The following UBALD1 variants were observed in gnomAD, a reference collection of about 807,000 sequenced individuals.
UBALD1 encodes UBA-like domain-containing protein 1.
Under a neutral mutation model 16.1 loss-of-function variants are expected in UBALD1, and 5 were observed. That is an observed-to-expected ratio of 0.31 (90% CI 0.16 to 0.66). The LOEUF (loss-of-function observed/expected upper bound fraction) is 0.66, where lower values mean the gene tolerates loss of function less well. Ranked by LOEUF, UBALD1 falls within the 30% of genes least tolerant of loss-of-function variation. The pLI, the probability that UBALD1 is intolerant of heterozygous loss-of-function variation, is 0.77. For synonymous variants in UBALD1, 146 were observed against 105.3 expected, an observed-to-expected ratio of 1.39 and a Z score of -2.37; for missense variants, 220 against 252.8, an observed-to-expected ratio of 0.87 and a Z score of 0.88.
At chr16:4,612,295 C>A (rs955474584) in intron 1 of UBALD1, among the ~76,000 whole-genome samples, 5 of 152,108 alleles carry the variant, frequency 3.3e-5, no homozygotes, top group African/African-American at 1.2e-4. Flanking sequence ...ATCTCTTGAC[C>A]TCATGATCCG....
intron 1 of UBALD1, chr16:4,614,083 C>T (rs1897391146): frequency 6.1e-6 from 1 of 162,740 alleles, no homozygotes; most frequent in African/African-American, 2.4e-5. Context: ...GCACACCCGC[C>T]ACATGTGTAC....
Position 4,609,365 on chromosome 16 carries a change from T to C in UBALD1, c.*268A>G. On this transcript the variant is annotated 3_prime_UTR_variant, in exon 3 of 3. Coordinates refer to ENST00000283474, the MANE Select transcript of UBALD1 (RefSeq NM_145253.3). ...GGCAGGTGCGTCTTCGAAGGAAGGC[T>C]GCGTGGTCTCTGAAGTTCTGTCCGC... 8.4e-6 allele frequency: 3 copies of C among 358,256 alleles called. No individual in the cohort carries two copies. The highest frequency in any genetic ancestry group is 1.5e-5 in the Non-Finnish European group (3 of 200,842). 22.2% of individuals were successfully genotyped at this position (358,256 alleles called of 1,614,324 possible).
intron 1 of UBALD1, chr16:4,614,325 G>A: frequency 2.7e-6 from 1 of 365,436 alleles, no homozygotes; most frequent in Non-Finnish European, 4.9e-6. Flanking sequence ...CCGAGGCCTG[G>A]GGCGTCCTCC....
rs1377607939 is a variant in UBALD1, at chr16:4,614,834, C to A, written c.-37G>T. The stretch of plus-strand genomic sequence containing the variant: ...GCTGCCCGCTCCGGCCTCCCTCCTC[C>A]GCCCGCGCCTCCGCCTCACGCGTCC... On this transcript the variant is annotated 5_prime_UTR_variant, in exon 1 of 3. Coordinates refer to ENST00000283474, the MANE Select transcript of UBALD1 (RefSeq NM_145253.3). 6.8e-7 allele frequency: 1 copy of A among 1,460,426 alleles called. No homozygotes were observed. The highest frequency in any genetic ancestry group is 1.4e-5 in the South Asian group (1 of 70,768). 90.5% of individuals were successfully genotyped at this position (1,460,426 alleles called of 1,614,324 possible).
Position 4,609,305 on chromosome 16 carries a change from A to C in UBALD1, c.*328T>G. The C allele has an allele frequency of 1.6e-5, 4 of 249,262 alleles. No individual in the cohort carries two copies. The highest frequency in any genetic ancestry group is 7.2e-5 in the East Asian group (1 of 13,796). 15.4% of individuals were successfully genotyped at this position (249,262 alleles called of 1,614,324 possible). A position where few individuals can be genotyped will look rare whatever the true frequency, so the allele number is the denominator to read the frequency against. ...GCCAGGGATCAGCAATGTCTCTGCC[A>C]GGGTGGTCCTCCACGGCACCCCTGG... On this transcript the variant is annotated 3_prime_UTR_variant, in exon 3 of 3. Transcript: ENST00000283474.
rs570879570 is a variant in UBALD1 at position 4,609,207 on chromosome 16, G to A, written c.*426C>T. 193 of 165,320 alleles carry A rather than the reference G, an allele frequency of 1.2e-3. No homozygotes were observed. The highest frequency in any genetic ancestry group is 2.0e-3 in the Non-Finnish European group (156 of 77,202). 10.2% of individuals were successfully genotyped at this position (165,320 alleles called of 1,614,324 possible). A position where few individuals can be genotyped will look rare whatever the true frequency, so the allele number is the denominator to read the frequency against. On this transcript the variant is annotated 3_prime_UTR_variant, in exon 3 of 3. Transcript: ENST00000283474. ...CGTAGAAATACACAGACACGGCCACGCGCACACATGCGGAGAGGCTCTGCA... is the reference window on the plus strand; with the variant it reads ...CGTAGAAATACACAGACACGGCCACACGCACACATGCGGAGAGGCTCTGCA...
chr16:4,612,612 G>T (rs1443715673), intron 1 of UBALD1, among the ~76,000 whole-genome samples: 1 of 152,042 alleles, frequency 6.6e-6, no homozygotes, highest in African/African-American at 2.4e-5. Context: ...TCTCCATTGA[G>T]AAACATCTGC....
chr16:4,613,041 G>A (rs554694250), intron 1 of UBALD1, among the ~76,000 whole-genome samples: 1 of 152,118 alleles, frequency 6.6e-6, no homozygotes, highest in East Asian at 1.9e-4. Flanking sequence ...TTTGAGGGCT[G>A]GGCTGAGTCC....
At chr16:4,614,455 G>A (rs1897398221) in intron 1 of UBALD1, 1 of 604,260 alleles carries the variant, frequency 1.7e-6, no homozygotes, top group Non-Finnish European at 2.5e-6. Context: ...GCGGCCCCGC[G>A]GGGGCGGCGT....
At chr16:4,614,284 C>T in intron 1 of UBALD1, 1 of 356,794 alleles carries the variant, frequency 2.8e-6, no homozygotes. Flanking sequence ...ACCACTCGCC[C>T]GGAGCGGCTC....
At chr16:4,612,693 C>G (rs1250778804) in intron 1 of UBALD1, among the ~76,000 whole-genome samples, 3 of 152,112 alleles carry the variant, frequency 2.0e-5, no homozygotes, top group Non-Finnish European at 4.4e-5. Context: ...GCAAATGTGA[C>G]CCAGAAACAC....
intron 1 of UBALD1, chr16:4,611,384 C>A (rs1240026451): frequency 1.3e-5 from 2 of 152,380 alleles, no homozygotes; most frequent in African/African-American, 4.8e-5. Flanking sequence ...CAGCACAGCT[C>A]CCCAGCCACC....
Position 4,610,474 on chromosome 16 carries a change from G to T in UBALD1, c.183+19C>A. On this transcript the variant is annotated intron_variant, in intron 2 of 2. Transcript: ENST00000283474. Reference sequence around the variant, plus strand: ...CTCCTTCCGCCCAATCCAGAACTGGGGACTCCGGGGACACTTACCATCTGG... The same window carrying T: ...CTCCTTCCGCCCAATCCAGAACTGGTGACTCCGGGGACACTTACCATCTGG... The T allele has an allele frequency of 6.3e-7, 1 of 1,592,604 alleles. No individual in the cohort carries two copies. Among genetic ancestry groups the T allele is most frequent in the Non-Finnish European group, 8.6e-7 (1 of 1,168,946 alleles).
chr16:4,609,691 G>T lies in UBALD1; in HGVS notation c.476C>A (p.Ala159Asp), dbSNP rs772675555. The T allele has an allele frequency of 1.4e-6, 2 of 1,478,736 alleles. No individual in the cohort carries two copies. Among genetic ancestry groups the T allele is most frequent in the Non-Finnish European group, 9.0e-7 (1 of 1,116,906 alleles). 91.6% of individuals were successfully genotyped at this position (1,478,736 alleles called of 1,614,324 possible). The change falls in exon 3 of 3, where the codon GCC becomes GAC. Residue 159 changes from alanine (A) to aspartate (D), a missense_variant. Physicochemically the swap from Ala to Asp is moderately radical, Grantham distance 126 (BLOSUM62 -2). Coordinates refer to ENST00000283474, the MANE Select transcript of UBALD1 (RefSeq NM_145253.3). ...PSPASDWPPLAPQQATSEPRA... is the reference protein window; with the variant it reads ...PSPASDWPPLDPQQATSEPRA... Reference sequence around the variant, plus strand: ...GGGTTCTGAGGTGGCCTGTTGGGGGGCCAGGGGTGGCCAGTCTGAAGCCGG... The same window carrying T: ...GGGTTCTGAGGTGGCCTGTTGGGGGTCCAGGGGTGGCCAGTCTGAAGCCGG...
chr16:4,609,441 C>CA lies in UBALD1; in HGVS notation c.*191dup. ...CTCCATGTGCCGGGGCCGCTGGGGCCATGACCTTGCGTGTGGGCAGCTGCG... is the reference window on the plus strand; with the variant it reads ...CTCCATGTGCCGGGGCCGCTGGGGCCAATGACCTTGCGTGTGGGCAGCTGCG... On this transcript the variant is annotated 3_prime_UTR_variant, in exon 3 of 3. Transcript: ENST00000283474. 1 of 405,782 alleles carries CA rather than the reference C, an allele frequency of 2.5e-6. No individual in the cohort carries two copies. The highest frequency in any genetic ancestry group is 4.3e-6 in the Non-Finnish European group (1 of 231,720). The allele number at this position is 405,782 out of a possible 1,614,324, so 25.1% of individuals were successfully genotyped here. A position where few individuals can be genotyped will look rare whatever the true frequency, so the allele number is the denominator to read the frequency against.
chr16:4,614,560 GC>G (rs1026218018), intron 1 of UBALD1, 117 bp downstream of exon 1: 2 of 1,294,102 alleles, frequency 1.5e-6, no homozygotes, highest in African/African-American at 3.1e-5. Flanking sequence ...GGTCGGGTCT[GC>G]GGCCCGGAGG....
intron 2 of UBALD1, 79 bp downstream of exon 2, chr16:4,610,414 G>A (rs1231952132): frequency 6.8e-7 from 1 of 1,480,062 alleles, no homozygotes; most frequent in Non-Finnish European, 9.1e-7. Context: ...CGTACACCGG[G>A]GCCAGGGGCT....
intron 1 of UBALD1, among the ~76,000 whole-genome samples, chr16:4,613,471 T>C (rs1234032192): frequency 6.6e-6 from 1 of 152,180 alleles, no homozygotes; most frequent in African/African-American, 2.4e-5. Flanking sequence ...CTTCCCAGAC[T>C]GTCCCAAGCT....
chr16:4,612,465 G>A (rs903984776), intron 1 of UBALD1, among the ~76,000 whole-genome samples: 17 of 152,150 alleles, frequency 1.1e-4, no homozygotes, highest in African/African-American at 3.9e-4. Context: ...CATGGGGGCC[G>A]GGCTTTAAGC....
Sources: allele counts gnomAD v4.1 joint callset (sites outside exome capture counted in the v4.1 genomes callset), GRCh38; gene constraint gnomAD v4.1.1; transcripts MANE v1.5; gene names NCBI Gene and HGNC (gene_info 2026-07-23, HGNC 2026-07-21).